CCDC171: variants seen among roughly 807,000 people sequenced by gnomAD.
CCDC171 encodes the protein coiled-coil domain containing 171, also known as coiled-coil domain-containing protein 171.
A neutral mutation model predicts 168.2 loss-of-function variants in CCDC171; 177 were observed. That is an observed-to-expected ratio of 1.05 (90% CI 0.93 to 1.19). CCDC171 has a LOEUF of 1.19. Among genes scored for constraint, CCDC171 ranks in the 50% most tolerant of loss-of-function variants. CCDC171 has a pLI of 0.00. For missense variants in CCDC171, 1,991 were observed against 1,539.0 expected (o/e 1.29, Z -4.91); for synonymous variants, 687 against 540.8 (o/e 1.27, Z -3.75).
At chr9:15,743,870 C>A (rs1588247487) in intron 16 of CCDC171, among the ~76,000 whole-genome samples, 1 of 152,048 alleles carries the variant, frequency 6.6e-6, no homozygotes, top group African/African-American at 2.4e-5. Context: ...TCTAGGAAAC[C>A]CTCTATTGGC....
intron 6 of CCDC171, among the ~76,000 whole-genome samples, chr9:15,600,939 C>T (rs1278663900): frequency 4.6e-5 from 7 of 152,258 alleles, no homozygotes; most frequent in South Asian, 2.1e-4. Context: ...CCGAGCCAAG[C>T]GCGGGATACA....
chr9:15,947,327 T>C (rs1005212526), intron 25 of CCDC171, among the ~76,000 whole-genome samples: 1 of 151,990 alleles, frequency 6.6e-6, no homozygotes, highest in African/African-American at 2.4e-5. Flanking sequence ...AATACCCTAC[T>C]TGTATACCCA....
At chr9:15,715,472 T>C (rs1169019934) in intron 11 of CCDC171, among the ~76,000 whole-genome samples, 6 of 152,250 alleles carry the variant, frequency 3.9e-5, no homozygotes, top group Non-Finnish European at 8.8e-5. Context: ...CAATACATTA[T>C]ATATTAAATG....
chr9:15,664,088 A>G (rs1384442022), intron 8 of CCDC171, among the ~76,000 whole-genome samples: 3 of 151,656 alleles, frequency 2.0e-5, no homozygotes, highest in African/African-American at 7.3e-5. Context: ...GTGTAGATTA[A>G]TAGTCACTGG....
intron 8 of CCDC171, 71 bp downstream of exon 8, chr9:15,657,290 T>G: frequency 1.1e-6 from 1 of 872,346 alleles, no homozygotes; most frequent in African/African-American, 1.7e-5. Flanking sequence ...AAAACAGCAC[T>G]GTGTTCAGAG....
At chr9:15,943,510 C>A (rs981696371) in intron 25 of CCDC171, among the ~76,000 whole-genome samples, 1 of 151,848 alleles carries the variant, frequency 6.6e-6, no homozygotes, top group South Asian at 2.1e-4. Context: ...GAACCAGATG[C>A]AGGTCTAAGT....
At chr9:15,838,112 T>C (rs1197007468) in intron 21 of CCDC171, among the ~76,000 whole-genome samples, 1 of 152,174 alleles carries the variant, frequency 6.6e-6, no homozygotes, top group Non-Finnish European at 1.5e-5. Flanking sequence ...TTGTAGGATT[T>C]AATAATTAAT....
chr9:15,660,906 C>T (rs10756689), intron 8 of CCDC171, among the ~76,000 whole-genome samples: 73,443 of 152,046 alleles, frequency 0.48, 18,201 homozygotes, highest in East Asian at 0.77. Flanking sequence ...CTCCACTTTC[C>T]GCAGTGGCTG....
chr9:15,921,243 AGAT>A lies in CCDC171; in HGVS notation c.3753+823_3753+825del, dbSNP rs781333314. On this transcript the variant is annotated intron_variant, in intron 25 of 25. Transcript: ENST00000380701. ...AAAAAGAGTTAGCATTAAAACAAATAGATGCATGGCTGTGGTCTGATTCCTCAC... is the reference window on the plus strand; with the variant it reads ...AAAAAGAGTTAGCATTAAAACAAATAGCATGGCTGTGGTCTGATTCCTCAC... Among the ~76,000 whole-genome samples, 29 of 151,834 alleles carry A rather than the reference AGAT, an allele frequency of 1.9e-4. No homozygotes were observed. The East Asian group carries it at 5.4e-3, about 28-fold the overall frequency.
intron 18 of CCDC171, among the ~76,000 whole-genome samples, chr9:15,747,924 C>T (rs1421111821): frequency 2.0e-5 from 3 of 152,132 alleles, no homozygotes; most frequent in African/African-American, 4.8e-5. Context: ...AAGTAGGCTT[C>T]AGAAGATGAG....
chr9:15,805,066 T>A (rs1318247117), intron 21 of CCDC171, among the ~76,000 whole-genome samples: 1 of 152,218 alleles, frequency 6.6e-6, no homozygotes, highest in Non-Finnish European at 1.5e-5. Flanking sequence ...TAGTCTGTGA[T>A]GGTTGTTTGT....
intron 1 of CCDC171, among the ~76,000 whole-genome samples, chr9:15,558,865 C>T (rs1279094263): frequency 6.6e-6 from 1 of 152,086 alleles, no homozygotes; most frequent in African/African-American, 2.4e-5. Flanking sequence ...CTCTTGTGGG[C>T]ATTTAGTGCT....
At chr9:16,044,272 A>T (rs888420772) in intron 1 of CCDC171, among the ~76,000 whole-genome samples, 1 of 152,196 alleles carries the variant, frequency 6.6e-6, no homozygotes, top group Admixed American at 6.5e-5. Context: ...CTTCCTTTTT[A>T]ACTTGGCAGA....
At chr9:15,635,640 A>G (rs530628633) in intron 7 of CCDC171, among the ~76,000 whole-genome samples, 1 of 152,318 alleles carries the variant, frequency 6.6e-6, no homozygotes, top group African/African-American at 2.4e-5. Context: ...ACACCCTCAC[A>G]GACACACCTA....
At chr9:15,952,343 A>G (rs573133584) in intron 25 of CCDC171, among the ~76,000 whole-genome samples, 19 of 152,154 alleles carry the variant, frequency 1.2e-4, no homozygotes, top group Admixed American at 7.2e-4. Context: ...CCTTTTTTCA[A>G]TCTTGTTTTG....
the CCDC171 span, among the ~76,000 whole-genome samples, chr9:16,092,856 T>A: frequency 6.6e-6 from 1 of 151,264 alleles, no homozygotes; most frequent in Non-Finnish European, 1.5e-5. Context: ...GGGTGGGAGC[T>A]GGCTGAAGCC....
At chr9:15,569,555 C>T (rs2040032171) in intron 2 of CCDC171, among the ~76,000 whole-genome samples, 1 of 152,098 alleles carries the variant, frequency 6.6e-6, no homozygotes, top group Non-Finnish European at 1.5e-5. Flanking sequence ...GTGGCTCGCG[C>T]CTGTAATCCC....
intron 3 of CCDC171, among the ~76,000 whole-genome samples, chr9:15,992,367 C>G (rs1424702838): frequency 6.6e-6 from 1 of 151,878 alleles, no homozygotes; most frequent in Non-Finnish European, 1.5e-5. Context: ...AGGCCTTTGA[C>G]AAAAGGCCTT....
intron 10 of CCDC171, 93 bp downstream of exon 10, chr9:15,678,989 A>C: frequency 1.1e-6 from 1 of 942,968 alleles, no homozygotes; most frequent in Non-Finnish European, 1.6e-6. Flanking sequence ...CCATGAGATA[A>C]TAGTATGCAA....
Sources: allele counts gnomAD v4.1 joint callset (sites outside exome capture counted in the v4.1 genomes callset), GRCh38; gene constraint gnomAD v4.1.1; transcripts MANE v1.5; gene names NCBI Gene and HGNC (gene_info 2026-07-23, HGNC 2026-07-21).